Variants in ADAM22 observed in about 807,000 individuals in gnomAD.
ADAM22 encodes disintegrin and metalloproteinase domain-containing protein 22.
In ADAM22, 65 loss-of-function variants were observed where a neutral mutation model predicts 144.6. That is an observed-to-expected ratio of 0.45 (90% CI 0.37 to 0.55). The LOEUF is 0.55. Ranked by LOEUF, ADAM22 falls within the 20% of genes least tolerant of loss-of-function variation. ADAM22 has a pLI of 0.00. For missense variants in ADAM22, 974 were observed against 1,184.9 expected, an observed-to-expected ratio of 0.82 and a Z score of 2.61; for synonymous variants, 391 against 412.6, an observed-to-expected ratio of 0.95 and a Z score of 0.63.
intron 26 of ADAM22, among the ~76,000 whole-genome samples, chr7:88,177,741 G>A (rs1485036341): frequency 6.6e-6 from 1 of 152,026 alleles, no homozygotes; most frequent in Admixed American, 6.5e-5. Flanking sequence ...ACAACAATAT[G>A]GCAAAAATTT....
At chr7:88,027,508 A>G (rs1799264889) in intron 3 of ADAM22, among the ~76,000 whole-genome samples, 1 of 151,988 alleles carries the variant, frequency 6.6e-6, no homozygotes, top group Non-Finnish European at 1.5e-5. Flanking sequence ...AGCTTTTCCA[A>G]TTTCTTGGCA....
At chr7:87,935,787 G>T (rs1441806752) in intron 2 of ADAM22, among the ~76,000 whole-genome samples, 1 of 152,154 alleles carries the variant, frequency 6.6e-6, no homozygotes, top group African/African-American at 2.4e-5. Flanking sequence ...TTTAATTAGG[G>T]CTGTGCTGTT....
rs78578863 is a variant in ADAM22, at chr7:87,992,029, G to A, written c.323+13617G>A. Among the ~76,000 whole-genome samples, 378 of 152,294 alleles carry A rather than the reference G, an allele frequency of 2.5e-3. 1 individual carries two copies. Among genetic ancestry groups the A allele is most frequent in the African/African-American group, 8.7e-3 (363 of 41,556 alleles). ...AGCTTAGATCAGAGAAATGCTCTCTGTGTTCAAGCCACTCTTGACCATGTA... is the reference window on the plus strand; with the variant it reads ...AGCTTAGATCAGAGAAATGCTCTCTATGTTCAAGCCACTCTTGACCATGTA... On this transcript the variant is annotated intron_variant, in intron 3 of 31. Transcript: ENST00000413139.
chr7:88,094,767 T>A (rs1453660650), intron 4 of ADAM22, among the ~76,000 whole-genome samples: 1 of 152,192 alleles, frequency 6.6e-6, no homozygotes, highest in Non-Finnish European at 1.5e-5. Context: ...GCTGTCTTTC[T>A]GATTAAATAA....
intron 3 of ADAM22, among the ~76,000 whole-genome samples, chr7:87,980,421 A>G (rs1853086967): frequency 6.6e-6 from 1 of 150,950 alleles, no homozygotes; most frequent in African/African-American, 2.4e-5. Context: ...TCGTGGTTTC[A>G]GTTTGTGTAT....
intron 3 of ADAM22, among the ~76,000 whole-genome samples, chr7:88,045,888 T>TTTG (rs1491121186): frequency 1.5e-5 from 2 of 133,926 alleles, no homozygotes; most frequent in South Asian, 2.7e-4. Flanking sequence ...TCGTATTCTA[T>TTTG]TGTGTGTGTG....
At chr7:87,985,452 A>G (rs540787167) in intron 3 of ADAM22, among the ~76,000 whole-genome samples, 30 of 152,172 alleles carry the variant, frequency 2.0e-4, no homozygotes, top group Non-Finnish European at 3.5e-4. Context: ...TTTTTCAACA[A>G]GATTGTTTGT....
chr7:88,004,995 A>T (rs1030259401), intron 3 of ADAM22, among the ~76,000 whole-genome samples: 3 of 152,170 alleles, frequency 2.0e-5, no homozygotes, highest in African/African-American at 4.8e-5. Context: ...CTATATTATT[A>T]TAAAACGCTA....
intron 4 of ADAM22, among the ~76,000 whole-genome samples, chr7:88,078,843 T>C (rs1333663509): frequency 2.6e-5 from 4 of 152,180 alleles, no homozygotes; most frequent in Non-Finnish European, 4.4e-5. Context: ...AATATGAGAC[T>C]ATGTGAAAAG....
At chr7:88,077,707 G>A (rs914001856) in intron 4 of ADAM22, among the ~76,000 whole-genome samples, 1 of 152,220 alleles carries the variant, frequency 6.6e-6, no homozygotes, top group African/African-American at 2.4e-5. Flanking sequence ...TCCCACACCT[G>A]GCTCAGAGGG....
At chr7:88,147,150 T>C (rs1470728520) in intron 17 of ADAM22, among the ~76,000 whole-genome samples, 3 of 152,198 alleles carry the variant, frequency 2.0e-5, no homozygotes, top group Non-Finnish European at 2.9e-5. Context: ...TAAAATAAAA[T>C]GGCATGACTG....
chr7:87,946,595 T>C (rs1412608563), intron 2 of ADAM22, among the ~76,000 whole-genome samples: 5 of 152,240 alleles, frequency 3.3e-5, no homozygotes, highest in Non-Finnish European at 7.3e-5. Context: ...CAGCATTGTT[T>C]ATTGAAGAGG....
intron 5 of ADAM22, among the ~76,000 whole-genome samples, chr7:88,108,753 GAAA>G (rs1825214364): frequency 1.3e-5 from 2 of 150,996 alleles, no homozygotes; most frequent in Non-Finnish European, 3.0e-5. Flanking sequence ...AAGAAAGAAA[GAAA>G]GAAAGAAAAG....
chr7:88,151,835 A>T (rs1017752134), intron 20 of ADAM22, among the ~76,000 whole-genome samples: 1 of 152,318 alleles, frequency 6.6e-6, no homozygotes, highest in East Asian at 1.9e-4. Context: ...TCAGAAAGAA[A>T]TGTTAATGTT....
chr7:88,109,587 T>A (rs1825457770), intron 5 of ADAM22, among the ~76,000 whole-genome samples: 2 of 152,104 alleles, frequency 1.3e-5, no homozygotes, highest in South Asian at 4.1e-4. Flanking sequence ...TTACTGGGTG[T>A]CTCCTGTGTG....
At chr7:88,060,830 G>A (rs1228278748) in intron 3 of ADAM22, among the ~76,000 whole-genome samples, 1 of 151,690 alleles carries the variant, frequency 6.6e-6, no homozygotes, top group African/African-American at 2.4e-5. Flanking sequence ...TCGGCCAGGT[G>A]CAGTGGCTCA....
intron 11 of ADAM22, chr7:88,131,694 C>G: frequency 2.0e-6 from 1 of 498,080 alleles, no homozygotes; most frequent in South Asian, 3.5e-5. Context: ...AGTAAAAATA[C>G]TGCTAATACT....
At chr7:88,105,866 A>T (rs1288368644) in intron 4 of ADAM22, among the ~76,000 whole-genome samples, 1 of 152,222 alleles carries the variant, frequency 6.6e-6, no homozygotes, top group African/African-American at 2.4e-5. Flanking sequence ...TAACAGACAC[A>T]GTAATTATAA....
chr7:87,987,908 G>T (rs186496966), intron 3 of ADAM22, among the ~76,000 whole-genome samples: 4 of 152,224 alleles, frequency 2.6e-5, no homozygotes, highest in African/African-American at 9.6e-5. Context: ...ATGAGTGTGT[G>T]GCAGATTGTA....
Sources: gnomAD v4.1 joint callset for allele counts (sites outside exome capture counted in the v4.1 genomes callset) on GRCh38, gnomAD v4.1.1 for gene constraint, MANE v1.5 for transcripts, NCBI Gene and HGNC (gene_info 2026-07-23, HGNC 2026-07-21) for gene names.